Variants in TBC1D30 observed in about 807,000 individuals in gnomAD.
TBC1D30 encodes TBC1 domain family, member 30.
TBC1D30 carries 31 observed loss-of-function variants against 63.2 expected under a neutral mutation model. The observed-to-expected ratio is 0.49, with a 90% CI of 0.37 to 0.66. TBC1D30 has a LOEUF of 0.66. Ranked by LOEUF, TBC1D30 falls within the 30% of genes least tolerant of loss-of-function variation. TBC1D30 has a pLI of 0.00. For missense variants in TBC1D30, 810 were observed against 953.6 expected (o/e 0.85, Z 1.98); for synonymous variants, 307 against 361.5 (o/e 0.85, Z 1.71).
At chr12:64,824,399 GTGC>G (rs1874099017), upstream of TBC1D30, among the ~76,000 whole-genome samples, 1 of 152,154 alleles carries the variant, frequency 6.6e-6, no homozygotes, top group Non-Finnish European at 1.5e-5. Flanking sequence ...GCGCCCCTTG[GTGC>G]TCCCTCTGTT....
chr12:64,879,048 T>G lies in TBC1D30; in HGVS notation c.*3260T>G, dbSNP rs1879285573. The G allele has an allele frequency of 6.6e-6, 1 of 152,612 alleles. No individual in the cohort carries two copies. The highest frequency in any genetic ancestry group is 2.4e-5 in the African/African-American group (1 of 41,462). The allele number at this position is 152,612 out of a possible 1,614,324, so 9.5% of individuals were successfully genotyped here. On this transcript the variant is annotated 3_prime_UTR_variant, in exon 12 of 12. Coordinates refer to ENST00000539867, the MANE Select transcript of TBC1D30 (RefSeq NM_015279.2). ...CGTTTCTGAGCCACTTTCTTTGCTG[T>G]CTGCAGCATTTAAAATATATTATTT...
At chr12:64,861,848 T>C (rs948404955) in intron 8 of TBC1D30, among the ~76,000 whole-genome samples, 1 of 152,214 alleles carries the variant, frequency 6.6e-6, no homozygotes. Context: ...TCTTATGTAC[T>C]GAGAGGCAGG....
intron 8 of TBC1D30, among the ~76,000 whole-genome samples, chr12:64,849,722 G>T (rs1335242814): frequency 6.6e-6 from 1 of 152,092 alleles, no homozygotes; most frequent in Non-Finnish European, 1.5e-5. Context: ...CCTCAAGCTT[G>T]TTCTTTTTGC....
At position 64,875,944 on chromosome 12, in the gene TBC1D30, T is replaced by C. The variant is rs1592671357; in HGVS notation, c.*156T>C. On this transcript the variant is annotated 3_prime_UTR_variant, in exon 12 of 12. Transcript: ENST00000539867. ...AAAATGGGAACTGGAAGTTTTATAA[T>C]AGGAGTTAGAACAGGGCTGTTTTCC... 3 of 740,640 alleles carry C rather than the reference T, an allele frequency of 4.1e-6. No homozygotes were observed. The highest frequency in any genetic ancestry group is 6.3e-6 in the Non-Finnish European group (3 of 479,888). 45.9% of individuals were successfully genotyped at this position (740,640 alleles called of 1,614,324 possible).
Position 64,878,653 on chromosome 12 carries a change from G to C in TBC1D30, c.*2865G>C, listed in dbSNP as rs1879253967. On this transcript the variant is annotated 3_prime_UTR_variant, in exon 12 of 12. Coordinates refer to ENST00000539867, the MANE Select transcript of TBC1D30 (RefSeq NM_015279.2). The stretch of plus-strand genomic sequence containing the variant: ...TTGTAACTGTTCTGCCATTTTCTGA[G>C]TGCAAGCATGGAACACTGTTGTGAC... 4.7e-6 allele frequency: 2 copies of C among 422,950 alleles called. No individual in the cohort carries two copies. The highest frequency in any genetic ancestry group is 3.5e-5 in the South Asian group (2 of 57,792). The allele number at this position is 422,950 out of a possible 1,614,324, so 26.2% of individuals were successfully genotyped here.
chr12:64,777,718 A>G (rs770176678), upstream of TBC1D30, among the ~76,000 whole-genome samples: 1 of 152,252 alleles, frequency 6.6e-6, no homozygotes, highest in Non-Finnish European at 1.5e-5. Context: ...TTTCCCATTA[A>G]ACTACCATTG....
chr12:64,804,929 C>T (rs75349261), intron 2 of TBC1D30, among the ~76,000 whole-genome samples: 5,778 of 152,122 alleles, frequency 0.038, 374 homozygotes, highest in African/African-American at 0.13. Context: ...TGGCTGAATG[C>T]GTGGCTCACA....
At chr12:64,869,006 C>A (rs886331886) in intron 10 of TBC1D30, among the ~76,000 whole-genome samples, 3 of 151,358 alleles carry the variant, frequency 2.0e-5, no homozygotes, top group African/African-American at 7.3e-5. Flanking sequence ...GAATAGAATT[C>A]TGTGGTCTGG....
At chr12:64,786,119 T>C in intron 2 of TBC1D30, 1 of 1,146,318 alleles carries the variant, frequency 8.7e-7, no homozygotes, top group Non-Finnish European at 1.1e-6. Context: ...CAACAGTCTG[T>C]GTTTGTGAAT....
intron 8 of TBC1D30, among the ~76,000 whole-genome samples, chr12:64,859,423 A>G (rs1026254687): frequency 6.6e-6 from 1 of 152,098 alleles, no homozygotes; most frequent in Admixed American, 6.5e-5. Flanking sequence ...TTTTAAGGAG[A>G]GGAGGAAAAT....
chr12:64,781,146 A>G (rs1247642283), exon 1 of TBC1D30: 5 of 1,009,806 alleles, frequency 5.0e-6, no homozygotes, highest in East Asian at 2.2e-4. Flanking sequence ...CGGCGCCGCG[A>G]CAGCCTCGAC....
intron 11 of TBC1D30, 134 bp from the exon 12 acceptor site, chr12:64,874,867 T>G (rs1164657840): frequency 1.3e-6 from 1 of 788,536 alleles, no homozygotes; most frequent in Non-Finnish European, 2.0e-6. Flanking sequence ...GTCACATGAC[T>G]CTGCCCCTCC....
chr12:64,829,649 A>G (rs1565662678), intron 3 of TBC1D30, among the ~76,000 whole-genome samples: 1 of 152,230 alleles, frequency 6.6e-6, no homozygotes, highest in Non-Finnish European at 1.5e-5. Flanking sequence ...GTCTGGCTGG[A>G]TATATAAATC....
chr12:64,791,195 A>G (rs1871898789), intron 2 of TBC1D30, among the ~76,000 whole-genome samples: 1 of 152,224 alleles, frequency 6.6e-6, no homozygotes, highest in Non-Finnish European at 1.5e-5. Context: ...AAAAATTACC[A>G]TATTGTATGA....
Position 64,876,253 on chromosome 12 carries a change from T to G in TBC1D30, c.*465T>G, listed in dbSNP as rs1390468640. ...GTAAGTTTCTTCGTTACAAAAAACT[T>G]CCTGATTTTCCTTTTCATGCTTTAC... On this transcript the variant is annotated 3_prime_UTR_variant, in exon 12 of 12. Coordinates refer to ENST00000539867, the MANE Select transcript of TBC1D30 (RefSeq NM_015279.2). 1 of 157,652 alleles carries G rather than the reference T, an allele frequency of 6.3e-6. No homozygotes were observed. The highest frequency in any genetic ancestry group is 1.4e-5 in the Non-Finnish European group (1 of 71,658). 9.8% of individuals were successfully genotyped at this position (157,652 alleles called of 1,614,324 possible).
intron 3 of TBC1D30, among the ~76,000 whole-genome samples, chr12:64,829,656 A>G (rs1356153059): frequency 6.6e-6 from 1 of 152,198 alleles, no homozygotes; most frequent in Non-Finnish European, 1.5e-5. Flanking sequence ...TGGATATATA[A>G]ATCAATGTTT....
intron 5 of TBC1D30, among the ~76,000 whole-genome samples, chr12:64,835,708 T>G (rs1875288524): frequency 6.6e-6 from 1 of 152,164 alleles, no homozygotes; most frequent in Admixed American, 6.5e-5. Flanking sequence ...CCGATTCCAC[T>G]GTACAAATGA....
intron 8 of TBC1D30, among the ~76,000 whole-genome samples, chr12:64,861,148 C>T (rs1592650501): frequency 6.6e-6 from 1 of 152,114 alleles, no homozygotes; most frequent in African/African-American, 2.4e-5. Context: ...TCCCTCCTGT[C>T]GAGGAAAACA....
exon 1 of TBC1D30, among the ~76,000 whole-genome samples, chr12:64,780,606 CCTT>C (rs764061137): frequency 1.3e-5 from 2 of 152,226 alleles, no homozygotes; most frequent in East Asian, 1.9e-4. Context: ...GTGGCAGTCT[CCTT>C]CTCGCCCGGT....
Sources: gnomAD v4.1 joint callset for allele counts (sites outside exome capture counted in the v4.1 genomes callset) on GRCh38, gnomAD v4.1.1 for gene constraint, MANE v1.5 for transcripts, NCBI Gene and HGNC (gene_info 2026-07-23, HGNC 2026-07-21) for gene names.